The following RTL4 variants were observed in gnomAD, a reference collection of about 807,000 sequenced individuals.
RTL4 encodes the protein retrotransposon Gag like 4, also known as retrotransposon Gag-like protein 4.
A neutral mutation model predicts 5.3 loss-of-function variants in RTL4; 4 were observed. That is an observed-to-expected ratio of 0.75 (90% CI 0.37 to 1.72). The LOEUF (loss-of-function observed/expected upper bound fraction) is 1.72, where lower values mean the gene tolerates loss of function less well. RTL4 is among the 40% of genes most tolerant of loss of function. RTL4 has a pLI of 0.04. For missense variants in RTL4, 260 were observed against 227.1 expected, an observed-to-expected ratio of 1.14 and a Z score of -0.93; for synonymous variants, 98 against 87.3, an observed-to-expected ratio of 1.12 and a Z score of -0.68.
chrX:112,336,294 T>A, the RTL4 span, among the ~76,000 whole-genome samples: 1 of 111,980 alleles, frequency 8.9e-6, no homozygotes, highest in Non-Finnish European at 1.9e-5. Flanking sequence ...ACAAGAGCTG[T>A]CTTACCTGAG....
the RTL4 span, among the ~76,000 whole-genome samples, chrX:112,223,263 G>T: frequency 1.8e-5 from 2 of 111,913 alleles, no homozygotes; most frequent in Non-Finnish European, 3.8e-5. Flanking sequence ...TGAAACAACT[G>T]GGCTTGTATT....
the RTL4 span, among the ~76,000 whole-genome samples, chrX:112,216,410 T>G: frequency 8.9e-6 from 1 of 112,118 alleles, no homozygotes; most frequent in African/African-American, 3.2e-5. Context: ...ACGTGTATTT[T>G]AATAGTTGTC....
the RTL4 span, among the ~76,000 whole-genome samples, chrX:112,344,410 G>C: frequency 8.9e-6 from 1 of 112,355 alleles, no homozygotes; most frequent in Non-Finnish European, 1.9e-5. Context: ...CAGGAAGCAT[G>C]GCTGGGAAGG....
At chrX:112,332,261 G>A in the RTL4 span, among the ~76,000 whole-genome samples, 2 of 110,915 alleles carry the variant, frequency 1.8e-5, no homozygotes, top group Non-Finnish European at 3.8e-5. Context: ...AACCATCGTG[G>A]AAGACAGTGT....
At chrX:112,356,422 A>G in the RTL4 span, among the ~76,000 whole-genome samples, 1 of 111,828 alleles carries the variant, frequency 8.9e-6, no homozygotes, top group Non-Finnish European at 1.9e-5. Context: ...CAAAGAATAG[A>G]ATCCCACTTA....
chrX:112,236,476 G>T, the RTL4 span, among the ~76,000 whole-genome samples: 76 of 75,271 alleles, frequency 1.0e-3, 1 homozygote, highest in Non-Finnish European at 1.4e-3. Context: ...TCTATATATA[G>T]ATATAGATCT....
At chrX:112,166,990 C>G in the RTL4 span, among the ~76,000 whole-genome samples, 1 of 111,666 alleles carries the variant, frequency 9.0e-6, no homozygotes, top group Non-Finnish European at 1.9e-5. Context: ...CCCTATTCTG[C>G]TCCCTTAAGT....
At chrX:112,426,685 G>C in the RTL4 span, among the ~76,000 whole-genome samples, 1 of 111,056 alleles carries the variant, frequency 9.0e-6, no homozygotes, top group Non-Finnish European at 1.9e-5. Flanking sequence ...GTTAATTGCT[G>C]TTATATAGGA....
chrX:112,202,537 CATTATT>C, the RTL4 span, among the ~76,000 whole-genome samples: 2,523 of 97,107 alleles, frequency 0.026, 89 homozygotes, highest in African/African-American at 0.084. Flanking sequence ...TAGTTTTATT[CATTATT>C]ATTATTATTA....
At chrX:112,222,796 G>A in the RTL4 span, among the ~76,000 whole-genome samples, 1 of 112,274 alleles carries the variant, frequency 8.9e-6, no homozygotes, top group African/African-American at 3.2e-5. Flanking sequence ...AATGCCGAAT[G>A]GGGCTGATGC....
chrX:112,346,450 AAG>A, the RTL4 span, among the ~76,000 whole-genome samples: 1 of 111,615 alleles, frequency 9.0e-6, no homozygotes, highest in Non-Finnish European at 1.9e-5. Context: ...ATGGACTCAA[AAG>A]CTGTTTTTCC....
chrX:112,169,059 TC>T, the RTL4 span, among the ~76,000 whole-genome samples: 109 of 38,101 alleles, frequency 2.9e-3, no homozygotes, highest in African/African-American at 7.7e-3. Context: ...TTTCTTTCTT[TC>T]TTTCTTTCTT....
chrX:112,212,391 T>G, the RTL4 span, among the ~76,000 whole-genome samples: 9 of 111,483 alleles, frequency 8.1e-5, no homozygotes, highest in Admixed American at 1.9e-4. Context: ...AAAAATAAAA[T>G]AAAAAATAAA....
chrX:112,188,512 T>G, the RTL4 span, among the ~76,000 whole-genome samples: 64 of 111,718 alleles, frequency 5.7e-4, no homozygotes, highest in Non-Finnish European at 1.1e-3. Flanking sequence ...TCTGGAAACT[T>G]TGAAGCTGAC....
At chrX:112,247,704 G>T in the RTL4 span, among the ~76,000 whole-genome samples, 2 of 112,322 alleles carry the variant, frequency 1.8e-5, no homozygotes, top group Non-Finnish European at 3.8e-5. Context: ...TGATGCCAAA[G>T]CTCATGTTCC....
chrX:112,404,249 TTC>T, the RTL4 span, among the ~76,000 whole-genome samples: 1 of 112,265 alleles, frequency 8.9e-6, no homozygotes, highest in Non-Finnish European at 1.9e-5. Flanking sequence ...CATTGTCGTA[TTC>T]ATATGCTGTA....
chrX:112,412,846 C>T, the RTL4 span, among the ~76,000 whole-genome samples: 1,400 of 110,892 alleles, frequency 0.013, 21 homozygotes, highest in African/African-American at 0.044. Flanking sequence ...AAAGCAAAGA[C>T]GGTTAAATGG....
the RTL4 span, chrX:112,381,355 G>C: frequency 1.7e-6 from 2 of 1,206,899 alleles, no homozygotes; most frequent in East Asian, 5.9e-5. Flanking sequence ...AGCTAACAAA[G>C]GTAGAGACAA....
chrX:112,297,818 G>T, the RTL4 span, among the ~76,000 whole-genome samples: 3 of 111,533 alleles, frequency 2.7e-5, no homozygotes, highest in African/African-American at 9.8e-5. Context: ...CAGCTTAGAG[G>T]TACGTCATAG....
Sources: gnomAD v4.1 joint callset for allele counts (sites outside exome capture counted in the v4.1 genomes callset) on GRCh38, gnomAD v4.1.1 for gene constraint, MANE v1.5 for transcripts, NCBI Gene and HGNC (gene_info 2026-07-23, HGNC 2026-07-21) for gene names.